WWC2: variants seen among roughly 807,000 people sequenced by gnomAD.
WWC2 encodes protein WWC2.
WWC2 carries 101 observed loss-of-function variants against 138.5 expected under a neutral mutation model. The observed-to-expected ratio is 0.73, with a 90% CI of 0.62 to 0.86. The LOEUF (loss-of-function observed/expected upper bound fraction) is 0.86, where lower values mean the gene tolerates loss of function less well. Ranked by LOEUF, WWC2 falls within the 40% of genes least tolerant of loss-of-function variation. The pLI is 0.00. For missense variants in WWC2, 1,420 were observed against 1,419.4 expected (o/e 1.00, Z -0.01); for synonymous variants, 558 against 538.4 (o/e 1.04, Z -0.50).
chr4:183,170,601 A>G (rs913857409), intron 1 of WWC2, among the ~76,000 whole-genome samples: 2 of 152,214 alleles, frequency 1.3e-5, no homozygotes, highest in Admixed American at 1.3e-4. Flanking sequence ...CTTTTGTGAC[A>G]TGATTTTGCA....
chr4:183,280,483 G>A (rs948197451), intron 16 of WWC2, among the ~76,000 whole-genome samples: 1 of 151,968 alleles, frequency 6.6e-6, no homozygotes, highest in South Asian at 2.1e-4. Flanking sequence ...CTCACCACTA[G>A]AATTGACAAA....
At chr4:183,128,137 G>A (rs971528744) in intron 1 of WWC2, among the ~76,000 whole-genome samples, 1 of 151,646 alleles carries the variant, frequency 6.6e-6, no homozygotes, top group African/African-American at 2.4e-5. Context: ...TCAGGAGTTC[G>A]AGACCAGCCT....
chr4:183,210,330 A>G (rs1735561866), intron 4 of WWC2, among the ~76,000 whole-genome samples: 1 of 152,120 alleles, frequency 6.6e-6, no homozygotes, highest in African/African-American at 2.4e-5. Flanking sequence ...AAAGGATAAA[A>G]GGTGCAGATA....
intron 22 of WWC2, among the ~76,000 whole-genome samples, chr4:183,315,177 C>G (rs866643171): frequency 2.0e-5 from 3 of 152,228 alleles, no homozygotes; most frequent in Admixed American, 6.5e-5. Context: ...TACTACCTTG[C>G]AGATAGTTCC....
intron 9 of WWC2, among the ~76,000 whole-genome samples, chr4:183,256,429 T>C (rs941266507): frequency 2.6e-5 from 4 of 152,190 alleles, no homozygotes; most frequent in Non-Finnish European, 5.9e-5. Context: ...GGTTTTGCTT[T>C]CTATTCCCCC....
chr4:183,274,944 G>C (rs1189638004), intron 16 of WWC2, among the ~76,000 whole-genome samples: 1 of 152,022 alleles, frequency 6.6e-6, no homozygotes, highest in Non-Finnish European at 1.5e-5. Flanking sequence ...ATCCTTTCTT[G>C]TAGCTGTTTT....
At chr4:183,268,218 A>C (rs986794586) in intron 14 of WWC2, among the ~76,000 whole-genome samples, 1 of 152,216 alleles carries the variant, frequency 6.6e-6, no homozygotes, top group South Asian at 2.1e-4. Context: ...GGATAGACTT[A>C]GCGGTATTCT....
At chr4:183,198,522 A>G (rs1390849618) in intron 2 of WWC2, among the ~76,000 whole-genome samples, 1 of 152,048 alleles carries the variant, frequency 6.6e-6, no homozygotes, top group Non-Finnish European at 1.5e-5. Context: ...CGCAAATGGG[A>G]TTATATTATA....
chr4:183,293,028 T>C (rs1738511927), intron 21 of WWC2, among the ~76,000 whole-genome samples: 1 of 152,254 alleles, frequency 6.6e-6, no homozygotes, highest in Non-Finnish European at 1.5e-5. Context: ...CGATCTCGGC[T>C]CACTGCAGCC....
intron 1 of WWC2, among the ~76,000 whole-genome samples, chr4:183,106,143 C>A (rs1227322535): frequency 6.6e-6 from 1 of 151,904 alleles, no homozygotes; most frequent in Non-Finnish European, 1.5e-5. Context: ...GCCACCACGC[C>A]CAGCTAGTTT....
rs1579087121 is a variant in WWC2, at chr4:183,320,355, T to C, written c.*4626T>C. 1 of 817,144 alleles carries C rather than the reference T, an allele frequency of 1.2e-6. No homozygotes were observed. The highest frequency in any genetic ancestry group is 1.9e-6 in the Non-Finnish European group (1 of 521,058). The allele number at this position is 817,144 out of a possible 1,614,324, so 50.6% of individuals were successfully genotyped here. ...GTATATAGGAGGATTCTTGCCAGAG[T>C]TGCTATTGTTTGATTCCATGTTGAA... On this transcript the variant is annotated 3_prime_UTR_variant, in exon 23 of 23. Coordinates refer to ENST00000403733, the MANE Select transcript of WWC2 (RefSeq NM_024949.6).
At chr4:183,174,224 C>T (rs886654103) in intron 1 of WWC2, among the ~76,000 whole-genome samples, 1 of 152,188 alleles carries the variant, frequency 6.6e-6, no homozygotes, top group African/African-American at 2.4e-5. Flanking sequence ...TTAAGTCTTT[C>T]TAGAGAATAA....
chr4:183,307,131 A>G (rs966087949), intron 21 of WWC2, among the ~76,000 whole-genome samples: 2 of 152,190 alleles, frequency 1.3e-5, no homozygotes, highest in South Asian at 4.1e-4. Flanking sequence ...ACATATTTAC[A>G]CTGTCTGTTT....
At chr4:183,295,750 C>T (rs543625505) in intron 21 of WWC2, among the ~76,000 whole-genome samples, 2 of 152,252 alleles carry the variant, frequency 1.3e-5, no homozygotes, top group African/African-American at 4.8e-5. Context: ...AATGGCAGCG[C>T]GAGAGGAAAG....
chr4:183,173,868 T>A (rs1734369543), intron 1 of WWC2, among the ~76,000 whole-genome samples: 1 of 152,200 alleles, frequency 6.6e-6, no homozygotes, highest in Non-Finnish European at 1.5e-5. Flanking sequence ...GAGACAGCTC[T>A]CAGTCATATT....
chr4:183,319,773 C>G lies in WWC2; in HGVS notation c.*4044C>G. 2 of 1,614,024 alleles carry G rather than the reference C, an allele frequency of 1.2e-6. No individual in the cohort carries two copies. Among genetic ancestry groups the G allele is most frequent in the Non-Finnish European group, 1.7e-6 (2 of 1,179,970 alleles). On this transcript the variant is annotated 3_prime_UTR_variant, in exon 23 of 23. Transcript: ENST00000403733. Reference sequence around the variant, plus strand: ...GACAAAGTCTGGGACGTTCTCATCCCAGAACTCCTGAACCGTCTTGTGGGC... The same window carrying G: ...GACAAAGTCTGGGACGTTCTCATCCGAGAACTCCTGAACCGTCTTGTGGGC...
At chr4:183,307,785 C>T (rs1395793498) in intron 21 of WWC2, among the ~76,000 whole-genome samples, 1 of 152,194 alleles carries the variant, frequency 6.6e-6, no homozygotes, top group East Asian at 1.9e-4. Flanking sequence ...AGAAGCTTTC[C>T]TGCTAAGACT....
chr4:183,164,140 A>AT (rs1734037739), intron 1 of WWC2, among the ~76,000 whole-genome samples: 1 of 151,424 alleles, frequency 6.6e-6, no homozygotes, highest in African/African-American at 2.4e-5. Flanking sequence ...CATATAAGAG[A>AT]TTCACCTTCT....
chr4:183,280,114 G>A (rs954668437), intron 16 of WWC2, among the ~76,000 whole-genome samples: 2 of 150,930 alleles, frequency 1.3e-5, no homozygotes, highest in Non-Finnish European at 1.5e-5. Flanking sequence ...AAAGGCAAAT[G>A]ACAATATGGG....
Sources: allele counts gnomAD v4.1 joint callset (sites outside exome capture counted in the v4.1 genomes callset), GRCh38; gene constraint gnomAD v4.1.1; transcripts MANE v1.5; gene names NCBI Gene and HGNC (gene_info 2026-07-23, HGNC 2026-07-21).